TIAM1: variants seen among roughly 807,000 people sequenced by gnomAD.
TIAM1 encodes the protein rho guanine nucleotide exchange factor TIAM1.
TIAM1 carries 65 observed loss-of-function variants against 163.5 expected under a neutral mutation model. The ratio of observed to expected loss-of-function variants is 0.40; its 90% CI spans 0.33 to 0.49. The LOEUF is 0.49. TIAM1 is among the 20% of genes least tolerant of loss of function. TIAM1 has a pLI of 0.77. For missense variants in TIAM1, 1,789 were observed against 2,044.7 expected (o/e 0.87, Z 2.41); for synonymous variants, 833 against 810.1 (o/e 1.03, Z -0.48).
At chr21:31,433,803 CT>C (rs34956090) in intron 2 of TIAM1, among the ~76,000 whole-genome samples, 100 of 146,442 alleles carry the variant, frequency 6.8e-4, no homozygotes, top group Non-Finnish European at 7.3e-4. Flanking sequence ...TCTAAATGTC[CT>C]TTTTTTTTTT....
chr21:31,470,246 C>G (rs147556952), intron 1 of TIAM1, among the ~76,000 whole-genome samples: 32 of 152,144 alleles, frequency 2.1e-4, no homozygotes, highest in African/African-American at 7.0e-4. Flanking sequence ...CTCAGGCGAT[C>G]TGCCCACCTC....
At chr21:31,385,949 G>T (rs2076864023) in intron 2 of TIAM1, among the ~76,000 whole-genome samples, 1 of 145,808 alleles carries the variant, frequency 6.9e-6, no homozygotes, top group African/African-American at 2.5e-5. Context: ...TATTTATACT[G>T]GTATTAATAT....
intron 2 of TIAM1, among the ~76,000 whole-genome samples, chr21:31,317,048 A>C (rs2075147699): frequency 6.6e-6 from 1 of 152,238 alleles, no homozygotes; most frequent in Admixed American, 6.5e-5. Flanking sequence ...CCACTTGCTG[A>C]ACCCTTTGTT....
At chr21:31,219,024 C>CTTTTT (rs35555743) in intron 8 of TIAM1, among the ~76,000 whole-genome samples, 6 of 88,490 alleles carry the variant, frequency 6.8e-5, no homozygotes, top group Non-Finnish European at 1.1e-4. Context: ...GAAGCATTTC[C>CTTTTT]TTTTTTTTTT....
chr21:31,192,250 A>G (rs1358777727), intron 13 of TIAM1, among the ~76,000 whole-genome samples: 1 of 152,186 alleles, frequency 6.6e-6, no homozygotes, highest in Non-Finnish European at 1.5e-5. Context: ...GGTGGCCTAC[A>G]GGGGAAGGTG....
chr21:31,315,305 G>A (rs2075072925), intron 2 of TIAM1, among the ~76,000 whole-genome samples: 1 of 152,064 alleles, frequency 6.6e-6, no homozygotes, highest in South Asian at 2.1e-4. Flanking sequence ...ACGAGGTCAG[G>A]AGATCGAGAC....
rs541885515 is a variant in TIAM1 at position 31,195,675 on chromosome 21, A to G, written c.2494-370T>C. On this transcript the variant is annotated intron_variant, in intron 12 of 27. Coordinates refer to ENST00000541036, the MANE Select transcript of TIAM1 (RefSeq NM_001353694.2). ...AGATCTTGGTATGGAATTCATGGAA[A>G]TAAGATAAATCTCTATGCTTCCATT... Among the ~76,000 whole-genome samples the G allele has an allele frequency of 2.0e-4, 30 of 152,358 alleles. 1 individual carries two copies. The East Asian group carries it at 4.0e-3, about 21-fold the overall frequency.
In TIAM1 at chr21:31,245,516, T is replaced by C. The variant is rs200606877; in HGVS notation, c.1556A>G (p.Asn519Ser). The C allele has an allele frequency of 1.0e-5, 16 of 1,540,770 alleles. No individual in the cohort carries two copies. Among genetic ancestry groups the C allele is most frequent in the Middle Eastern group, 1.7e-4 (1 of 5,772 alleles). The change falls in exon 6 of 28, where the codon AAT becomes AGT. Residue 519 changes from asparagine (N) to serine (S), a missense_variant. Around this residue, in one of 5 missense-constraint regions of TIAM1, gnomAD observed 456 missense variants for 586.6 expected, o/e 0.78. Coordinates refer to ENST00000541036, the MANE Select transcript of TIAM1 (RefSeq NM_001353694.2). Reference protein sequence around the residue: ...PKKDFVFCLSNSLGDAFLFQT... With the variant: ...PKKDFVFCLSSSLGDAFLFQT... ...AAAAAGGAAGGCATCACCCAGGGAA[T>C]TGCTGAGGCAGAAGACAAAGTCCTT...
chr21:31,177,731 C>G (rs2084830509), intron 15 of TIAM1, among the ~76,000 whole-genome samples: 1 of 152,214 alleles, frequency 6.6e-6, no homozygotes, highest in Admixed American at 6.5e-5. Flanking sequence ...TATGAGAAAG[C>G]AGTTCAGAAA....
At chr21:31,508,089 C>A (rs1352812246) in intron 1 of TIAM1, among the ~76,000 whole-genome samples, 1 of 152,190 alleles carries the variant, frequency 6.6e-6, no homozygotes. Flanking sequence ...AGGAAGGACG[C>A]AGCTGCACAC....
intron 14 of TIAM1, among the ~76,000 whole-genome samples, chr21:31,185,747 G>C (rs1486735732): frequency 6.6e-6 from 1 of 150,862 alleles, no homozygotes; most frequent in African/African-American, 2.4e-5. Flanking sequence ...CAATGATTTA[G>C]TGTAGGTCCT....
intron 1 of TIAM1, among the ~76,000 whole-genome samples, chr21:31,504,487 C>T (rs1160701936): frequency 2.4e-4 from 36 of 152,172 alleles, no homozygotes. Context: ...TCAAGAATGC[C>T]ACTGTAAGAA....
At chr21:31,461,230 T>C (rs2147349316) in intron 2 of TIAM1, among the ~76,000 whole-genome samples, 1 of 152,220 alleles carries the variant, frequency 6.6e-6, no homozygotes, top group East Asian at 1.9e-4. Flanking sequence ...ATACCTGTAA[T>C]CCCAGCACTT....
intron 2 of TIAM1, among the ~76,000 whole-genome samples, chr21:31,397,222 G>A (rs1227248222): frequency 6.6e-6 from 1 of 152,138 alleles, no homozygotes; most frequent in Non-Finnish European, 1.5e-5. Flanking sequence ...TGGCTCTGAA[G>A]AGATATGATC....
intron 2 of TIAM1, among the ~76,000 whole-genome samples, chr21:31,323,437 G>C (rs1181755222): frequency 6.6e-6 from 1 of 152,202 alleles, no homozygotes; most frequent in Non-Finnish European, 1.5e-5. Flanking sequence ...GCCAGGCGCA[G>C]TGGCTCATGC....
chr21:31,475,025 T>TTTTTTATTA (rs1285962494), intron 1 of TIAM1, among the ~76,000 whole-genome samples: 4 of 118,714 alleles, frequency 3.4e-5, no homozygotes, highest in African/African-American at 1.0e-4. Context: ...GAGCTAGTTT[T>TTTTTTATTA]TTATTATTAT....
chr21:31,426,137 C>T (rs1180354369), intron 2 of TIAM1, among the ~76,000 whole-genome samples: 1 of 152,164 alleles, frequency 6.6e-6, no homozygotes, highest in African/African-American at 2.4e-5. Context: ...GCAGTGTACA[C>T]TGTACCCAGT....
chr21:31,408,072 T>C (rs773357447), intron 2 of TIAM1, among the ~76,000 whole-genome samples: 1 of 152,204 alleles, frequency 6.6e-6, no homozygotes. Flanking sequence ...TTTTGCTGTA[T>C]CTCACATTGC....
At chr21:31,478,999 T>C (rs1183046246) in intron 1 of TIAM1, among the ~76,000 whole-genome samples, 1 of 152,214 alleles carries the variant, frequency 6.6e-6, no homozygotes, top group Non-Finnish European at 1.5e-5. Context: ...AGGAAAAGAA[T>C]GTGATTTCTA....
Sources: gnomAD v4.1 joint callset for allele counts (sites outside exome capture counted in the v4.1 genomes callset) on GRCh38, gnomAD v4.1.1 for gene constraint, gnomAD v4.1.1 regional missense constraint, MANE v1.5 for transcripts, NCBI Gene and HGNC (gene_info 2026-07-23, HGNC 2026-07-21) for gene names.